CHL1: variants seen among roughly 807,000 people sequenced by gnomAD.
CHL1 encodes the protein cell adhesion molecule L1 like.
In CHL1, 96 loss-of-function variants were observed where a neutral mutation model predicts 141.9. That is an observed-to-expected ratio of 0.68 (90% CI 0.57 to 0.80). The LOEUF (loss-of-function observed/expected upper bound fraction) is 0.80, where lower values mean the gene tolerates loss of function less well. CHL1 is among the 30% of genes least tolerant of loss of function. The pLI is 0.00. For missense variants in CHL1, 1,820 were observed against 1,457.2 expected, an observed-to-expected ratio of 1.25 and a Z score of -4.05; for synonymous variants, 613 against 502.2, an observed-to-expected ratio of 1.22 and a Z score of -2.95.
chr3:360,273 A>G lies in CHL1; in HGVS notation c.1166-11A>G. On this transcript the variant is annotated splice_polypyrimidine_tract_variant and intron_variant, in intron 11 of 27. Transcript: ENST00000256509. ...TTCCTTATCAAACTGACATTCTTTA[A>G]TCTCTTTCAGATCATCCATTTGCTG... 1.2e-6 allele frequency: 2 copies of G among 1,613,206 alleles called. No homozygotes were observed. Among genetic ancestry groups the G allele is most frequent in the South Asian group, 1.1e-5 (1 of 90,938 alleles).
At chr3:318,602 A>C (rs1700314453) in intron 2 of CHL1, among the ~76,000 whole-genome samples, 1 of 151,630 alleles carries the variant, frequency 6.6e-6, no homozygotes, top group African/African-American at 2.4e-5. Flanking sequence ...TATTTCTGTA[A>C]ACTTTGAAAT....
At chr3:315,110 C>T (rs1313429639) in intron 2 of CHL1, among the ~76,000 whole-genome samples, 4 of 152,140 alleles carry the variant, frequency 2.6e-5, no homozygotes, top group African/African-American at 9.7e-5. Flanking sequence ...GGACTATATC[C>T]TCATTGCCAC....
chr3:214,196 CA>C (rs1365838351), intron 1 of CHL1, among the ~76,000 whole-genome samples: 1 of 152,254 alleles, frequency 6.6e-6, no homozygotes, highest in East Asian at 1.9e-4. Flanking sequence ...AGCAGAAAAA[CA>C]GAGCTCCTTC....
Position 390,808 on chromosome 3 carries a change from G to T in CHL1, c.2578G>T (p.Gly860Cys), listed in dbSNP as rs1024015772. The change falls in exon 21 of 28, where the codon GGC (glycine) becomes TGC (cysteine). Residue 860 changes from glycine to cysteine, a missense_variant. By Grantham distance (159) the Gly-to-Cys change is radical. Transcript: ENST00000256509. Reference sequence around the variant, plus strand: ...GGACAGAGTACATGGACGTCTGAAAGGCTATCAGGTTTTTATCATCATGGT... The same window carrying T: ...GGACAGAGTACATGGACGTCTGAAATGCTATCAGGTTTTTATCATCATGGT... ...PKDRVHGRLKGYQINWWKTKS... is the reference protein window; with the variant it reads ...PKDRVHGRLKCYQINWWKTKS... The T allele has an allele frequency of 1.3e-6, 2 of 1,597,488 alleles. No individual in the cohort carries two copies. The highest frequency in any genetic ancestry group is 1.7e-6 in the Non-Finnish European group (2 of 1,165,158).
At chr3:274,376 A>G (rs1695902716) in intron 2 of CHL1, among the ~76,000 whole-genome samples, 1 of 152,226 alleles carries the variant, frequency 6.6e-6, no homozygotes, top group Non-Finnish European at 1.5e-5. Context: ...CTATTTTAAT[A>G]GGAATGTGTT....
At position 275,212 on chromosome 3, in the gene CHL1, C is replaced by T. The variant is rs143187507; in HGVS notation, c.-95+30520C>T. Among the ~76,000 whole-genome samples the T allele has an allele frequency of 7.6e-3, 1,153 of 152,298 alleles. 17 individuals are homozygous for T. Among genetic ancestry groups the T allele is most frequent in the African/African-American group, 0.026 (1,091 of 41,566 alleles). ...CAGCTGCTAAGTGGTAGGGGTCAGGCTCTTAGTCGCAGTGTGGCTCATTAT... is the reference window on the plus strand; with the variant it reads ...CAGCTGCTAAGTGGTAGGGGTCAGGTTCTTAGTCGCAGTGTGGCTCATTAT... On this transcript the variant is annotated intron_variant, in intron 2 of 27. Transcript: ENST00000256509.
intron 2 of CHL1, among the ~76,000 whole-genome samples, chr3:281,778 A>G (rs1260882704): frequency 6.6e-6 from 1 of 151,892 alleles, no homozygotes; most frequent in African/African-American, 2.4e-5. Context: ...CAGGCTGGTC[A>G]TGAACTCCTG....
At chr3:405,370 C>G in intron 27 of CHL1, 125 bp from the exon 28 acceptor site, 1 of 641,330 alleles carries the variant, frequency 1.6e-6, no homozygotes, top group Non-Finnish European at 2.7e-6. Flanking sequence ...GCTTTACTAT[C>G]TGTCTTCAAT....
chr3:367,635 C>T (rs1472612659), intron 15 of CHL1, among the ~76,000 whole-genome samples: 1 of 152,054 alleles, frequency 6.6e-6, no homozygotes, highest in Non-Finnish European at 1.5e-5. Context: ...CATTTTTTTC[C>T]TTATGACAAA....
At chr3:397,333 T>G (rs1708759015) in intron 24 of CHL1, among the ~76,000 whole-genome samples, 1 of 152,146 alleles carries the variant, frequency 6.6e-6, no homozygotes, top group Non-Finnish European at 1.5e-5. Flanking sequence ...TGTTATTTAG[T>G]AACTATATAA....
chr3:306,913 G>A (rs1192074540), intron 2 of CHL1, among the ~76,000 whole-genome samples: 1 of 152,068 alleles, frequency 6.6e-6, no homozygotes, highest in Non-Finnish European at 1.5e-5. Context: ...CTTTTGATGA[G>A]CAAAGAAAAA....
At chr3:245,450 G>C (rs143293797) in intron 2 of CHL1, among the ~76,000 whole-genome samples, 82 of 152,236 alleles carry the variant, frequency 5.4e-4, no homozygotes, top group African/African-American at 1.7e-3. Context: ...TTGGTCCATA[G>C]CATTGTGTTT....
rs1014541312 is a variant in CHL1, at chr3:200,242, C to A, written c.-175+3179C>A. Reference sequence around the variant, plus strand: ...TTAGCTTTTCACCATTTTCTATTTTCCCTAAAAATCTAGCAGCAATGCACT... The same window carrying A: ...TTAGCTTTTCACCATTTTCTATTTTACCTAAAAATCTAGCAGCAATGCACT... On this transcript the variant is annotated intron_variant, in intron 1 of 27. Coordinates refer to ENST00000256509, the MANE Select transcript of CHL1 (RefSeq NM_006614.4). 2.0e-5 allele frequency among the ~76,000 whole-genome samples: 3 copies of A among 152,090 alleles called. No individual in the cohort carries two copies. The East Asian group carries it at 5.8e-4, about 29-fold the overall frequency.
In CHL1 at chr3:389,240, C is replaced by G. The variant is rs184167575; in HGVS notation, c.2248-12C>G. On this transcript the variant is annotated splice_polypyrimidine_tract_variant and intron_variant, in intron 19 of 27. Coordinates refer to ENST00000256509, the MANE Select transcript of CHL1 (RefSeq NM_006614.4). ...TGTGATCAGACTAAATGAGTCTTGC[C>G]TTCTGTTTTAGCCTTTGAAATCCAT... 6.3e-7 allele frequency: 1 copy of G among 1,583,768 alleles called. No homozygotes were observed. The highest frequency in any genetic ancestry group is 1.3e-5 in the African/African-American group (1 of 74,502).
chr3:221,850 G>C (rs775829612), intron 1 of CHL1, among the ~76,000 whole-genome samples: 58 of 152,138 alleles, frequency 3.8e-4, no homozygotes, highest in Non-Finnish European at 7.1e-4. Flanking sequence ...GTACTTTATT[G>C]ACTCAATTTA....
At chr3:314,143 AC>A (rs749718022) in intron 2 of CHL1, among the ~76,000 whole-genome samples, 1 of 151,462 alleles carries the variant, frequency 6.6e-6, no homozygotes, top group Non-Finnish European at 1.5e-5. Flanking sequence ...GATTTTGTCT[AC>A]CTTTTGCCTA....
In CHL1 at chr3:349,690, T is replaced by C. The variant is rs575532864; in HGVS notation, c.1033+147T>C. 3.5e-5 allele frequency: 23 copies of C among 664,000 alleles called. No homozygotes were observed. In the African/African-American group the frequency reaches 4.0e-4, roughly 11 times the overall value. The allele number at this position is 664,000 out of a possible 1,614,324, so 41.1% of individuals were successfully genotyped here. A position where few individuals can be genotyped will look rare whatever the true frequency, so the allele number is the denominator to read the frequency against. On this transcript the variant is annotated intron_variant, in intron 10 of 27. Transcript: ENST00000256509. The stretch of plus-strand genomic sequence containing the variant: ...GTGCGGGCATTGAATTATATTACAC[T>C]TCAACTAAGCAGGTTTGTCATTTAC...
Position 391,771 on chromosome 3 carries a change from C to T in CHL1, c.2888C>T (p.Thr963Ile). The change falls in exon 23 of 28, where the codon ACT becomes ATT. Residue 963 changes from threonine to isoleucine, a missense_variant. Physicochemically the swap from Thr to Ile is moderately conservative, Grantham distance 89 (BLOSUM62 -1). Coordinates refer to ENST00000256509, the MANE Select transcript of CHL1 (RefSeq NM_006614.4). ...GLPKKLNGNL[T>I]GYLLQYQIIN... ...CCTAAGAAATTAAATGGAAACTTAA[C>T]TGGCTATCTTTTGCAATATCAGATA... The T allele has an allele frequency of 6.3e-7, 1 of 1,593,180 alleles. No homozygotes were observed. Among genetic ancestry groups the T allele is most frequent in the Non-Finnish European group, 8.5e-7 (1 of 1,169,678 alleles).
At chr3:223,473 A>G (rs953629731) in intron 1 of CHL1, among the ~76,000 whole-genome samples, 1 of 152,242 alleles carries the variant, frequency 6.6e-6, no homozygotes, top group African/African-American at 2.4e-5. Context: ...TGTGTAAGGA[A>G]TAAAGAATAA....
Sources: allele counts gnomAD v4.1 joint callset (sites outside exome capture counted in the v4.1 genomes callset), GRCh38; gene constraint gnomAD v4.1.1; transcripts MANE v1.5; gene names NCBI Gene and HGNC (gene_info 2026-07-23, HGNC 2026-07-21).